The following MARCHF1 variants were observed in gnomAD, a reference collection of about 807,000 sequenced individuals.
MARCHF1 encodes membrane associated ring-CH-type finger 1.
A neutral mutation model predicts 54.2 loss-of-function variants in MARCHF1; 40 were observed. The observed-to-expected ratio is 0.74, with a 90% CI of 0.57 to 0.96. The LOEUF (loss-of-function observed/expected upper bound fraction) is 0.96, where lower values mean the gene tolerates loss of function less well. MARCHF1 is among the 40% of genes least tolerant of loss of function. The probability of loss-of-function intolerance (pLI) is 0.00; values close to 1 mark genes in which losing one functional copy is unlikely to be tolerated. For missense variants in MARCHF1, 586 were observed against 656.5 expected, an observed-to-expected ratio of 0.89 and a Z score of 1.17; for synonymous variants, 236 against 236.3, an observed-to-expected ratio of 1.00 and a Z score of 0.01.
chr4:163,589,732 A>G (rs891044493), intron 7 of MARCHF1, among the ~76,000 whole-genome samples: 1 of 152,130 alleles, frequency 6.6e-6, no homozygotes, highest in African/African-American at 2.4e-5. Flanking sequence ...ATTGATTTCA[A>G]TAATGTAATA....
intron 5 of MARCHF1, among the ~76,000 whole-genome samples, chr4:163,621,117 CTG>C (rs1194282195): frequency 6.6e-6 from 1 of 152,106 alleles, no homozygotes; most frequent in Non-Finnish European, 1.5e-5. Flanking sequence ...GATCTGATAA[CTG>C]TTTTGTAGAG....
At chr4:164,086,656 CT>C (rs1755198269) in intron 2 of MARCHF1, among the ~76,000 whole-genome samples, 1 of 152,000 alleles carries the variant, frequency 6.6e-6, no homozygotes, top group South Asian at 2.1e-4. Flanking sequence ...AATTCATACT[CT>C]GTGTTTTTAA....
intron 4 of MARCHF1, among the ~76,000 whole-genome samples, chr4:163,737,945 A>AGT: frequency 1.3e-5 from 1 of 76,530 alleles, no homozygotes; most frequent in Admixed American, 1.3e-4. Context: ...TGCTGCTCTA[A>AGT]AGACACATGC....
chr4:164,259,344 AC>A (rs1241481180), intron 1 of MARCHF1, among the ~76,000 whole-genome samples: 2 of 151,932 alleles, frequency 1.3e-5, no homozygotes, highest in Non-Finnish European at 2.9e-5. Flanking sequence ...GGAGTTCAAG[AC>A]CAGCCTGGCC....
chr4:163,836,830 C>G (rs1749201184), intron 4 of MARCHF1, among the ~76,000 whole-genome samples: 1 of 151,070 alleles, frequency 6.6e-6, no homozygotes, highest in Admixed American at 6.6e-5. Context: ...TTCCTGATCT[C>G]ATGTGAGTTA....
chr4:164,349,500 T>C (rs1240025581), intron 1 of MARCHF1, among the ~76,000 whole-genome samples: 1 of 152,212 alleles, frequency 6.6e-6, no homozygotes, highest in South Asian at 2.1e-4. Context: ...GTGGTACTTT[T>C]TTCTAATATA....
At chr4:163,806,648 C>G (rs1748231847) in intron 4 of MARCHF1, among the ~76,000 whole-genome samples, 1 of 152,052 alleles carries the variant, frequency 6.6e-6, no homozygotes, top group Non-Finnish European at 1.5e-5. Context: ...ATGTGAATGG[C>G]TGGTCACCAC....
chr4:164,113,567 A>G (rs779994766), intron 1 of MARCHF1, among the ~76,000 whole-genome samples: 4 of 152,032 alleles, frequency 2.6e-5, no homozygotes, highest in Non-Finnish European at 4.4e-5. Context: ...GCGTTCTTAC[A>G]TATTTGGGCA....
chr4:164,243,448 A>G (rs1436866838), intron 1 of MARCHF1, among the ~76,000 whole-genome samples: 2 of 139,134 alleles, frequency 1.4e-5, no homozygotes, highest in East Asian at 3.9e-4. Context: ...TGTCACCACC[A>G]GGAAGGAAGC....
At chr4:164,232,382 A>G (rs1452070517) in intron 1 of MARCHF1, among the ~76,000 whole-genome samples, 1 of 152,168 alleles carries the variant, frequency 6.6e-6, no homozygotes, top group Non-Finnish European at 1.5e-5. Context: ...TATCACACAC[A>G]CAGATAGACA....
intron 1 of MARCHF1, among the ~76,000 whole-genome samples, chr4:164,176,943 T>G (rs550564891): frequency 0.24 from 4,095 of 17,262 alleles, 119 homozygotes; most frequent in Middle Eastern, 0.33. Flanking sequence ...CCTTGTGCGC[T>G]CTCTCTCTCT....
intron 5 of MARCHF1, among the ~76,000 whole-genome samples, chr4:163,639,004 GAAA>G (rs1171596011): frequency 6.6e-6 from 1 of 152,098 alleles, no homozygotes; most frequent in Non-Finnish European, 1.5e-5. Flanking sequence ...TATATATAGA[GAAA>G]ATAATAGTTC....
At chr4:163,923,339 T>C (rs897091927) in intron 3 of MARCHF1, among the ~76,000 whole-genome samples, 10 of 152,158 alleles carry the variant, frequency 6.6e-5, no homozygotes, top group African/African-American at 2.2e-4. Flanking sequence ...ATCACCACCT[T>C]CTTTTTCAGT....
At chr4:164,070,238 G>C (rs930105841) in intron 2 of MARCHF1, among the ~76,000 whole-genome samples, 1 of 152,056 alleles carries the variant, frequency 6.6e-6, no homozygotes, top group Non-Finnish European at 1.5e-5. Flanking sequence ...TAAAATAAAA[G>C]TTTAAATTAA....
chr4:163,656,550 T>C (rs1271692489), intron 5 of MARCHF1, among the ~76,000 whole-genome samples: 3 of 152,076 alleles, frequency 2.0e-5, no homozygotes, highest in African/African-American at 7.2e-5. Context: ...CCTTAACTCA[T>C]TTTATGAGGC....
chr4:163,534,481 C>T (rs890125922), intron 9 of MARCHF1, among the ~76,000 whole-genome samples: 2 of 152,064 alleles, frequency 1.3e-5, no homozygotes, highest in East Asian at 1.9e-4. Flanking sequence ...GAAAGACTGA[C>T]GGTTTCATGT....
rs2110924535 is a variant in MARCHF1 at position 164,004,265 on chromosome 4, G to A, written c.-247-15556C>T. Among the ~76,000 whole-genome samples, 3 of 127,856 alleles carry A rather than the reference G, an allele frequency of 2.3e-5. No individual in the cohort carries two copies. In the East Asian group the frequency reaches 6.3e-4, roughly 27 times the overall value. The allele number at this position is 127,856 out of a possible 152,430, so 83.9% of individuals were successfully genotyped here. ...TACATACATATATATATATATGCATGTTCTGCACATGTATCCCAGAACTTA... is the reference window on the plus strand; with the variant it reads ...TACATACATATATATATATATGCATATTCTGCACATGTATCCCAGAACTTA... On this transcript the variant is annotated intron_variant, in intron 2 of 9. Transcript: ENST00000514618.
At chr4:163,731,945 G>A (rs60277877) in intron 4 of MARCHF1, among the ~76,000 whole-genome samples, 8,373 of 152,054 alleles carry the variant, frequency 0.055, 426 homozygotes, top group African/African-American at 0.13. Flanking sequence ...CCAACAACAA[G>A]ATCCCAGAAC....
chr4:164,217,978 A>C lies in MARCHF1; in HGVS notation c.-322-106316T>G, dbSNP rs548279070. Among the ~76,000 whole-genome samples, 6 of 152,214 alleles carry C rather than the reference A, an allele frequency of 3.9e-5. No individual in the cohort carries two copies. In the South Asian group the frequency reaches 1.2e-3, roughly 32 times the overall value. On this transcript the variant is annotated intron_variant, in intron 1 of 9. Transcript: ENST00000514618. ...TAACTTCTGCTATTTTGTGAAAGGGAAGTATTTCATCATAAAGGTCTTAGA... is the reference window on the plus strand; with the variant it reads ...TAACTTCTGCTATTTTGTGAAAGGGCAGTATTTCATCATAAAGGTCTTAGA...
Sources: gnomAD v4.1 joint callset for allele counts (sites outside exome capture counted in the v4.1 genomes callset) on GRCh38, gnomAD v4.1.1 for gene constraint, MANE v1.5 for transcripts, NCBI Gene and HGNC (gene_info 2026-07-23, HGNC 2026-07-21) for gene names.